CDH13: variants seen among roughly 807,000 people sequenced by gnomAD.
CDH13 encodes cadherin-13.
CDH13 carries 24 observed loss-of-function variants against 63.8 expected under a neutral mutation model. The ratio of observed to expected loss-of-function variants is 0.38; its 90% CI spans 0.27 to 0.53. CDH13 has a LOEUF of 0.53. Ranked by LOEUF, CDH13 falls within the 20% of genes least tolerant of loss-of-function variation. CDH13 has a pLI of 0.85. For synonymous variants in CDH13, 503 were observed against 355.3 expected (o/e 1.42, Z -4.67); for missense variants, 1,049 against 903.1 (o/e 1.16, Z -2.07).
intron 8 of CDH13, among the ~76,000 whole-genome samples, chr16:83,633,127 C>G (rs2056875701): frequency 6.6e-6 from 1 of 152,166 alleles, no homozygotes; most frequent in South Asian, 2.1e-4. Flanking sequence ...GTTTTATCAG[C>G]AAGGTCTTCC....
At chr16:83,356,856 C>T (rs937295656) in intron 6 of CDH13, among the ~76,000 whole-genome samples, 2 of 152,110 alleles carry the variant, frequency 1.3e-5, no homozygotes, top group African/African-American at 4.8e-5. Context: ...ATTATGGGTG[C>T]ATTTTTTAAA....
At chr16:83,455,692 A>T (rs926155885) in intron 6 of CDH13, among the ~76,000 whole-genome samples, 1 of 152,048 alleles carries the variant, frequency 6.6e-6, no homozygotes, top group Non-Finnish European at 1.5e-5. Context: ...AGAATCCTAT[A>T]TGTCAGTGGC....
chr16:83,189,256 G>C (rs1039098705), intron 4 of CDH13, among the ~76,000 whole-genome samples: 5 of 152,262 alleles, frequency 3.3e-5, no homozygotes, highest in Middle Eastern at 3.4e-3. Flanking sequence ...ACCCTCAGCT[G>C]CAAGCTCAGG....
At position 83,678,188 on chromosome 16, in the gene CDH13, C is replaced by G. The variant is rs1038588285; in HGVS notation, c.1285-20C>G. ...TTTGTGGCTGGTGTGCATCCTGAGA[C>G]CCTTCTGTCTGCTTTCCAGCCATTG... On this transcript the variant is annotated intron_variant, in intron 9 of 13. Coordinates refer to ENST00000567109, the MANE Select transcript of CDH13 (RefSeq NM_001257.5). 1.4e-5 allele frequency: 22 copies of G among 1,598,624 alleles called. No homozygotes were observed. The highest frequency in any genetic ancestry group is 1.8e-5 in the Non-Finnish European group (21 of 1,169,684).
rs1047927234 is a variant in CDH13, at chr16:82,644,265, A to G, written c.45+17128A>G. Among the ~76,000 whole-genome samples the G allele has an allele frequency of 1.3e-5, 2 of 152,028 alleles. No homozygotes were observed. The highest frequency in any genetic ancestry group is 1.3e-4 in the Admixed American group (2 of 15,288). Reference sequence around the variant, plus strand: ...ATCTAAGGTCTAAGGCTGGGAAAGGAGCTCCCACTTCTTACATTCAGTGCT... The same window carrying G: ...ATCTAAGGTCTAAGGCTGGGAAAGGGGCTCCCACTTCTTACATTCAGTGCT... On this transcript the variant is annotated intron_variant, in intron 1 of 13. Coordinates refer to ENST00000567109, the MANE Select transcript of CDH13 (RefSeq NM_001257.5). This position sits in a 1 kb window ranked among gnomAD's most constrained non-coding sequence, Gnocchi z 5.7.
intron 2 of CDH13, among the ~76,000 whole-genome samples, chr16:82,947,955 AT>A (rs1567685159): frequency 6.6e-6 from 1 of 152,218 alleles, no homozygotes; most frequent in East Asian, 1.9e-4. Context: ...CTGGGCATTT[AT>A]TGTAATAGAA....
intron 1 of CDH13, among the ~76,000 whole-genome samples, chr16:82,805,364 T>C (rs928640475): frequency 2.0e-5 from 3 of 152,190 alleles, no homozygotes; most frequent in African/African-American, 7.2e-5. Flanking sequence ...TGATTAGAAA[T>C]TTTTTAGCTG....
chr16:83,118,913 T>C (rs1414214830), intron 3 of CDH13, among the ~76,000 whole-genome samples: 2 of 152,192 alleles, frequency 1.3e-5, no homozygotes, highest in Non-Finnish European at 2.9e-5. Context: ...ACCACTGTGC[T>C]TTCTTTCCTC....
intron 5 of CDH13, among the ~76,000 whole-genome samples, chr16:83,304,590 C>A (rs2089830203): frequency 6.6e-6 from 1 of 152,104 alleles, no homozygotes; most frequent in Admixed American, 6.5e-5. Context: ...CATATGGGAT[C>A]TTGGCCAGCT....
rs1451595033 is a variant in CDH13, at chr16:82,685,611, CAT to C, written c.45+58475_45+58476del. Among the ~76,000 whole-genome samples, 7 of 152,224 alleles carry C rather than the reference CAT, an allele frequency of 4.6e-5. No homozygotes were observed. The East Asian group carries it at 1.4e-3, about 29-fold the overall frequency. ...TTGTGCCTGTGTGTGTGCACTTGCA[CAT>C]GTGTGGATGTGTGTGTGTGCATGTG... On this transcript the variant is annotated intron_variant, in intron 1 of 13. Coordinates refer to ENST00000567109, the MANE Select transcript of CDH13 (RefSeq NM_001257.5).
At chr16:83,781,091 C>G (rs1915488286) in intron 12 of CDH13, among the ~76,000 whole-genome samples, 1 of 152,088 alleles carries the variant, frequency 6.6e-6, no homozygotes, top group Admixed American at 6.6e-5. Context: ...ATGTCTTCTT[C>G]CATGCATCTT....
intron 5 of CDH13, among the ~76,000 whole-genome samples, chr16:83,275,798 C>T (rs749673035): frequency 7.2e-5 from 11 of 152,178 alleles, no homozygotes; most frequent in Admixed American, 5.2e-4. Flanking sequence ...ATAAGTTCCC[C>T]GGATGCCGGG....
intron 3 of CDH13, among the ~76,000 whole-genome samples, chr16:83,051,862 A>G (rs1022582180): frequency 1.3e-5 from 2 of 152,236 alleles, no homozygotes; most frequent in African/African-American, 2.4e-5. Flanking sequence ...CCTAAGAGAC[A>G]CAGCCCTCTT....
rs200317654 is a variant in CDH13, at chr16:82,786,932, G to A, written c.46-71430G>A. Reference sequence around the variant, plus strand: ...ATTGGACAAGGGTCATGACTGCTTAGCAAGGAAGCATCCTCTACTTGTGCA... The same window carrying A: ...ATTGGACAAGGGTCATGACTGCTTAACAAGGAAGCATCCTCTACTTGTGCA... On this transcript the variant is annotated intron_variant, in intron 1 of 13. Transcript: ENST00000567109. Among the ~76,000 whole-genome samples, 39 of 152,216 alleles carry A rather than the reference G, an allele frequency of 2.6e-4. No individual in the cohort carries two copies. The East Asian group carries it at 7.2e-3, about 28-fold the overall frequency.
intron 6 of CDH13, among the ~76,000 whole-genome samples, chr16:83,370,171 A>C (rs2091338092): frequency 6.6e-6 from 1 of 152,140 alleles, no homozygotes; most frequent in South Asian, 2.1e-4. Context: ...ACGGATCGTG[A>C]AGTCAGGAGA....
chr16:83,033,096 A>G (rs1309197771), intron 3 of CDH13, among the ~76,000 whole-genome samples: 1 of 152,200 alleles, frequency 6.6e-6, no homozygotes, highest in Non-Finnish European at 1.5e-5. Context: ...TTATGTGTAT[A>G]TGTACACATA....
At chr16:83,255,238 A>G (rs925624329) in intron 5 of CDH13, among the ~76,000 whole-genome samples, 9 of 152,206 alleles carry the variant, frequency 5.9e-5, no homozygotes, top group Non-Finnish European at 1.3e-4. Context: ...AGCATGGACT[A>G]TGTGGCCATG....
intron 5 of CDH13, among the ~76,000 whole-genome samples, chr16:83,296,790 A>G (rs2089608879): frequency 6.6e-6 from 1 of 152,360 alleles, no homozygotes; most frequent in Middle Eastern, 3.4e-3. Flanking sequence ...AGCAGATTGC[A>G]TGTACACCCA....
chr16:83,359,145 A>C (rs1483125644), intron 6 of CDH13, among the ~76,000 whole-genome samples: 1 of 152,132 alleles, frequency 6.6e-6, no homozygotes, highest in Non-Finnish European at 1.5e-5. Flanking sequence ...TTCATCAGGG[A>C]GATCAATGTA....
Sources: allele counts gnomAD v4.1 joint callset (sites outside exome capture counted in the v4.1 genomes callset), GRCh38; gene constraint gnomAD v4.1.1; non-coding constraint Gnocchi (gnomAD v3.1); transcripts MANE v1.5; gene names NCBI Gene and HGNC (gene_info 2026-07-23, HGNC 2026-07-21).